HIVEP2: variants seen among roughly 807,000 people sequenced by gnomAD.
The protein encoded by HIVEP2 is HIVEP zinc finger 2, also known as transcription factor HIVEP2.
Under a neutral mutation model 180.7 loss-of-function variants are expected in HIVEP2, and 14 were observed. That is an observed-to-expected ratio of 0.08 (90% CI 0.05 to 0.12). The LOEUF is 0.12. Ranked by LOEUF, HIVEP2 falls within the 10% of genes least tolerant of loss-of-function variation. The probability of loss-of-function intolerance (pLI) is 1.00; values close to 1 mark genes in which losing one functional copy is unlikely to be tolerated. For missense variants in HIVEP2, 2,579 were observed against 3,008.5 expected (o/e 0.86, Z 3.34); for synonymous variants, 1,184 against 1,136.4 (o/e 1.04, Z -0.84).
At chr6:142,911,140 A>T (rs1464789246) in intron 1 of HIVEP2, among the ~76,000 whole-genome samples, 2 of 18,520 alleles carry the variant, frequency 1.1e-4, no homozygotes, top group Admixed American at 6.9e-4. Context: ...CAAACACATT[A>T]AAAAAAAAAA....
At chr6:142,778,300 C>G (rs1012417544) in intron 3 of HIVEP2, among the ~76,000 whole-genome samples, 1 of 152,130 alleles carries the variant, frequency 6.6e-6, no homozygotes, top group Non-Finnish European at 1.5e-5. Flanking sequence ...ACCATGCTAA[C>G]AAGAAGAAGA....
intron 2 of HIVEP2, among the ~76,000 whole-genome samples, chr6:142,796,339 T>C (rs1713511350): frequency 6.6e-6 from 1 of 152,072 alleles, no homozygotes; most frequent in Admixed American, 6.6e-5. Flanking sequence ...GATTTTTGAC[T>C]CCTCCAAAAC....
chr6:142,758,925 G>A (rs959402539), intron 9 of HIVEP2, among the ~76,000 whole-genome samples: 3 of 152,114 alleles, frequency 2.0e-5, no homozygotes, highest in East Asian at 1.9e-4. Context: ...TAAACATGCC[G>A]AGTGTGTCAT....
chr6:142,942,269 T>C (rs59123279), intron 1 of HIVEP2, among the ~76,000 whole-genome samples: 4,145 of 150,588 alleles, frequency 0.028, 179 homozygotes, highest in African/African-American at 0.095. Context: ...TTATTTGTTA[T>C]TGCTGCTGTT....
chr6:142,882,466 T>G (rs1454350814), intron 1 of HIVEP2, among the ~76,000 whole-genome samples: 1 of 151,644 alleles, frequency 6.6e-6, no homozygotes. Flanking sequence ...AATAAATAAA[T>G]AGCCGGGAGT....
chr6:142,936,692 T>G, intron 1 of HIVEP2, among the ~76,000 whole-genome samples: 1 of 152,208 alleles, frequency 6.6e-6, no homozygotes, highest in East Asian at 1.9e-4. Context: ...CGATGTTTCT[T>G]TGTTATTTGG....
At position 142,773,680 on chromosome 6, in the gene HIVEP2, T is replaced by C; in HGVS notation, c.1059A>G (p.Pro353=). ...QYIGPDMLPN[P]SLNTKADDSH... ...AATCATCAGCCTTAGTATTTAAAGA[T>C]GGATTTGGTAGCATATCAGGGCCAA... is the stretch of plus-strand genomic sequence containing the variant. The change falls in exon 5 of 10, where the codon CCA becomes CCG. Residue 353 remains proline, a synonymous_variant. Transcript: ENST00000367603. 1 of 1,614,162 alleles carries C rather than the reference T, an allele frequency of 6.2e-7. No individual in the cohort carries two copies. The highest frequency in any genetic ancestry group is 8.5e-7 in the Non-Finnish European group (1 of 1,180,026).
Position 142,773,324 on chromosome 6 carries a change from T to A in HIVEP2, c.1415A>T (p.Glu472Val), listed in dbSNP as rs759333216. The A allele has an allele frequency of 5.0e-5, 80 of 1,614,072 alleles. No homozygotes were observed. Among genetic ancestry groups the A allele is most frequent in the Non-Finnish European group, 6.8e-5 (80 of 1,180,026 alleles). ...VNTRLDVKMF[E>V]DPVSQLIPSK... is the part of the protein sequence containing the mutation. Reference sequence around the variant, plus strand: ...TGGGATCAGCTGTGAAACAGGATCTTCAAACATCTTGACATCTAACCTGGT... The same window carrying A: ...TGGGATCAGCTGTGAAACAGGATCTACAAACATCTTGACATCTAACCTGGT... Residue 472 changes from glutamate to valine, a missense_variant, in exon 5 of 10, where the codon GAA (glutamate) becomes GTA (valine). By Grantham distance (121) the Glu-to-Val change is moderately radical. Transcript: ENST00000367603.
intron 2 of HIVEP2, among the ~76,000 whole-genome samples, chr6:142,793,681 C>CTTTCTT (rs1554279298): frequency 1.6e-5 from 2 of 125,566 alleles, no homozygotes; most frequent in Admixed American, 9.6e-5. Flanking sequence ...CTTTCTCTCT[C>CTTTCTT]TCTCTCTCTC....
chr6:142,761,435 G>T, intron 8 of HIVEP2, 29 bp downstream of exon 8: 1 of 1,098,458 alleles, frequency 9.1e-7, no homozygotes, highest in Non-Finnish European at 1.4e-6. Flanking sequence ...TAATGAAGAG[G>T]TCTGTCAACT....
chr6:142,780,783 T>C (rs1485124688), intron 3 of HIVEP2, among the ~76,000 whole-genome samples: 2 of 152,190 alleles, frequency 1.3e-5, no homozygotes, highest in Admixed American at 1.3e-4. Context: ...CATGTTATAC[T>C]GAGGAAAATA....
rs200660585 is a variant in HIVEP2 at position 142,761,501 on chromosome 6, T to C, written c.5583A>G (p.Ser1861=). Residue 1861 remains serine (S), a synonymous_variant, in exon 8 of 10, where the codon TCA becomes TCG. Coordinates refer to ENST00000367603, the MANE Select transcript of HIVEP2 (RefSeq NM_006734.4). ...HMKKCLELGV[S]MTSVDDTETE... ...TTTCTGTATCATCCACCGATGTCATTGAGACTCCCAATTCCAGGCATTTTT... is the reference window on the plus strand; with the variant it reads ...TTTCTGTATCATCCACCGATGTCATCGAGACTCCCAATTCCAGGCATTTTT... 1,002 of 1,606,898 alleles carry C rather than the reference T, an allele frequency of 6.2e-4. 3 individuals are homozygous for C. The African/African-American group carries it at 0.012, about 19-fold the overall frequency.
chr6:142,819,329 T>C (rs1776968655), intron 2 of HIVEP2, among the ~76,000 whole-genome samples: 1 of 152,198 alleles, frequency 6.6e-6, no homozygotes, highest in Non-Finnish European at 1.5e-5. Flanking sequence ...ATGTTGTGTC[T>C]ATGTGCATTT....
chr6:142,841,647 T>C (rs769613200), intron 1 of HIVEP2, among the ~76,000 whole-genome samples: 14 of 152,186 alleles, frequency 9.2e-5, no homozygotes, highest in Non-Finnish European at 1.6e-4. Flanking sequence ...TATTCAGTCA[T>C]ACTCAGAATA....
At chr6:142,778,389 G>A (rs1410371475) in intron 3 of HIVEP2, among the ~76,000 whole-genome samples, 2 of 152,164 alleles carry the variant, frequency 1.3e-5, no homozygotes, top group Non-Finnish European at 2.9e-5. Context: ...ACCTCTGCCA[G>A]ACTTGTAGAG....
intron 3 of HIVEP2, chr6:142,779,394 T>C (rs1304571357): frequency 6.6e-6 from 1 of 152,096 alleles, no homozygotes; most frequent in Non-Finnish European, 1.5e-5. Flanking sequence ...TGGAGGCAGG[T>C]GGATCGCTTG....
At chr6:142,785,522 G>T (rs1485364762) in intron 2 of HIVEP2, among the ~76,000 whole-genome samples, 1 of 152,036 alleles carries the variant, frequency 6.6e-6, no homozygotes, top group African/African-American at 2.4e-5. Flanking sequence ...GAAGGTAAAA[G>T]AAGAGCTTAA....
At chr6:142,855,167 T>C (rs1208439546) in intron 1 of HIVEP2, among the ~76,000 whole-genome samples, 3 of 152,226 alleles carry the variant, frequency 2.0e-5, no homozygotes, top group Non-Finnish European at 4.4e-5. Flanking sequence ...ATGGAGTGTC[T>C]GTGGGCTACA....
At chr6:142,888,961 C>T (rs553706902) in intron 1 of HIVEP2, among the ~76,000 whole-genome samples, 67 of 152,302 alleles carry the variant, frequency 4.4e-4, no homozygotes, top group African/African-American at 1.6e-3. Flanking sequence ...CATCAAAACC[C>T]TTCAATGGCT....
Sources: allele counts gnomAD v4.1 joint callset (sites outside exome capture counted in the v4.1 genomes callset), GRCh38; gene constraint gnomAD v4.1.1; transcripts MANE v1.5; gene names NCBI Gene and HGNC (gene_info 2026-07-23, HGNC 2026-07-21).